Variants in CUX1 observed in about 807,000 individuals in gnomAD.
CUX1 encodes cut like homeobox 1.
CUX1 carries 31 observed loss-of-function variants against 158.8 expected under a neutral mutation model. That is an observed-to-expected ratio of 0.20 (90% CI 0.15 to 0.26). CUX1 has a LOEUF of 0.26. Ranked by LOEUF, CUX1 falls within the 10% of genes least tolerant of loss-of-function variation. The pLI, the probability that CUX1 is intolerant of heterozygous loss-of-function variation, is 1.00. For missense variants in CUX1, 1,589 were observed against 2,014.6 expected (o/e 0.79, Z 4.04); for synonymous variants, 879 against 862.1 (o/e 1.02, Z -0.34).
chr7:101,879,482 C>T (rs543143988), intron 1 of CUX1, among the ~76,000 whole-genome samples: 23 of 152,326 alleles, frequency 1.5e-4, no homozygotes, highest in African/African-American at 4.6e-4. Context: ...GCATTCTAGC[C>T]GTTGGCTGTC....
At chr7:101,897,235 A>G (rs954176339) in intron 1 of CUX1, among the ~76,000 whole-genome samples, 18 of 152,146 alleles carry the variant, frequency 1.2e-4, no homozygotes, top group Non-Finnish European at 2.5e-4. Flanking sequence ...TTGCTATTAG[A>G]CATCTTGTGG....
intron 8 of CUX1, among the ~76,000 whole-genome samples, chr7:102,143,699 C>T (rs1223802768): frequency 1.3e-5 from 2 of 152,146 alleles, no homozygotes; most frequent in East Asian, 1.9e-4. Flanking sequence ...AACGGGATTC[C>T]GGGAAGGTAA....
At chr7:102,127,281 A>G (rs1336095427) in intron 8 of CUX1, among the ~76,000 whole-genome samples, 1 of 152,074 alleles carries the variant, frequency 6.6e-6, no homozygotes, top group Non-Finnish European at 1.5e-5. Flanking sequence ...ATCATAGCTC[A>G]CTGCAGCCTC....
At chr7:102,102,148 A>G (rs1829845378) in intron 5 of CUX1, among the ~76,000 whole-genome samples, 1 of 152,116 alleles carries the variant, frequency 6.6e-6, no homozygotes, top group Non-Finnish European at 1.5e-5. Context: ...AAAGGCGGAA[A>G]GTTGCCCAGT....
At chr7:102,240,893 T>C (rs537529404) in intron 23 of CUX1, among the ~76,000 whole-genome samples, 1 of 152,318 alleles carries the variant, frequency 6.6e-6, no homozygotes, top group South Asian at 2.1e-4. Context: ...CGATCTCGGC[T>C]CACTGCAGCC....
chr7:102,077,401 C>T (rs1032950563), intron 4 of CUX1, among the ~76,000 whole-genome samples: 1 of 151,746 alleles, frequency 6.6e-6, no homozygotes, highest in Non-Finnish European at 1.5e-5. Context: ...TGAATAATGA[C>T]TCTGGGGATC....
At chr7:101,822,097 G>C (rs1012547407) in intron 1 of CUX1, 6 of 152,030 alleles carry the variant, frequency 3.9e-5, no homozygotes, top group Admixed American at 3.3e-4. Context: ...CTCGTGATCT[G>C]CCCGCCTCGG....
chr7:101,927,883 C>T (rs1309575806), intron 2 of CUX1, among the ~76,000 whole-genome samples: 1 of 152,174 alleles, frequency 6.6e-6, no homozygotes, highest in Non-Finnish European at 1.5e-5. Flanking sequence ...CCAGGGGCGG[C>T]GGGTGGCATC....
chr7:101,955,397 C>T (rs779170052), intron 2 of CUX1, among the ~76,000 whole-genome samples: 7 of 152,176 alleles, frequency 4.6e-5, no homozygotes, highest in Non-Finnish European at 8.8e-5. Context: ...TTTACATCTC[C>T]CTGATGAGGA....
In CUX1 at chr7:102,255,236, A is replaced by G. The variant is rs1789770797; in HGVS notation, c.*6194A>G. 1 of 985,264 alleles carries G rather than the reference A, an allele frequency of 1.0e-6. No homozygotes were observed. The highest frequency in any genetic ancestry group is 1.2e-6 in the Non-Finnish European group (1 of 829,926). The allele number at this position is 985,264 out of a possible 1,614,324, so 61.0% of individuals were successfully genotyped here. ...CTCTCCCACCACCACCTTCCCTCCA[A>G]AGATAACCGTGTCCATGCCATCCGT... On this transcript the variant is annotated 3_prime_UTR_variant, in exon 24 of 24. Coordinates refer to ENST00000292535, the MANE Select transcript of CUX1 (RefSeq NM_181552.4).
intron 3 of CUX1, among the ~76,000 whole-genome samples, chr7:102,052,574 G>A (rs1823645067): frequency 6.6e-6 from 1 of 151,954 alleles, no homozygotes; most frequent in African/African-American, 2.4e-5. Context: ...CCACTTTTTG[G>A]CTATTATGAA....
intron 2 of CUX1, among the ~76,000 whole-genome samples, chr7:101,927,177 C>T (rs1297854336): frequency 4.1e-5 from 6 of 145,566 alleles, no homozygotes; most frequent in South Asian, 4.4e-4. Flanking sequence ...CACACACACA[C>T]GGAGGCTTTA....
chr7:102,216,825 C>CCA (rs57908920), intron 20 of CUX1, among the ~76,000 whole-genome samples: 5,103 of 140,900 alleles, frequency 0.036, 292 homozygotes, highest in African/African-American at 0.12. Context: ...CACTCTCCCA[C>CCA]CACACACACA....
At position 102,039,969 on chromosome 7, in the gene CUX1, G is replaced by A. The variant is rs58391145; in HGVS notation, c.189+11824G>A. The stretch of plus-strand genomic sequence containing the variant: ...TGAATGTCTCCCTTACATGCAGCGC[G>A]CTGGCCACGTTCAGAGCTGCATGCA... On this transcript the variant is annotated intron_variant, in intron 3 of 23. Coordinates refer to ENST00000292535, the MANE Select transcript of CUX1 (RefSeq NM_181552.4). Among the ~76,000 whole-genome samples, 7 of 152,150 alleles carry A rather than the reference G, an allele frequency of 4.6e-5. No individual in the cohort carries two copies. In the East Asian group the frequency reaches 9.7e-4, roughly 21 times the overall value.
intron 22 of CUX1, among the ~76,000 whole-genome samples, chr7:102,235,098 C>T (rs1554532175): frequency 1.3e-5 from 2 of 152,240 alleles, no homozygotes; most frequent in African/African-American, 4.8e-5. Flanking sequence ...AATAACCCCA[C>T]GTGCACCCAC....
chr7:101,998,775 G>A (rs1816298427), intron 2 of CUX1, among the ~76,000 whole-genome samples: 1 of 152,170 alleles, frequency 6.6e-6, no homozygotes, highest in Non-Finnish European at 1.5e-5. Context: ...ATGCTGTGCT[G>A]TGTTGGGCAG....
At chr7:101,888,750 C>G (rs952325411) in intron 1 of CUX1, among the ~76,000 whole-genome samples, 1 of 151,972 alleles carries the variant, frequency 6.6e-6, no homozygotes, top group Non-Finnish European at 1.5e-5. Context: ...CCACTATACC[C>G]AGCTAATTTT....
chr7:101,852,972 T>C (rs1010001180), intron 1 of CUX1, among the ~76,000 whole-genome samples: 1 of 152,154 alleles, frequency 6.6e-6, no homozygotes, highest in Non-Finnish European at 1.5e-5. Context: ...GCCACTGTGC[T>C]TGGCCTCTGC....
At chr7:101,870,728 G>C (rs1278446517) in intron 1 of CUX1, among the ~76,000 whole-genome samples, 1 of 152,206 alleles carries the variant, frequency 6.6e-6, no homozygotes, top group East Asian at 1.9e-4. Flanking sequence ...TTAAGTGGTA[G>C]AGCTGGTTCT....
Sources: allele counts gnomAD v4.1 joint callset (sites outside exome capture counted in the v4.1 genomes callset), GRCh38; gene constraint gnomAD v4.1.1; transcripts MANE v1.5; gene names NCBI Gene and HGNC (gene_info 2026-07-23, HGNC 2026-07-21).